IFT56: variants seen among roughly 807,000 people sequenced by gnomAD.
The protein encoded by IFT56 is intraflagellar transport protein 56.
the IFT56 span, chr7:139,137,987 T>G: frequency 3.7e-6 from 4 of 1,089,410 alleles, no homozygotes; most frequent in Non-Finnish European, 1.4e-6. Flanking sequence ...GTTTAAAATG[T>G]TATTAAACTT....
the IFT56 span, among the ~76,000 whole-genome samples, chr7:139,156,982 C>A: frequency 1.3e-5 from 2 of 152,230 alleles, no homozygotes; most frequent in African/African-American, 4.8e-5. Flanking sequence ...AATTCTAAAA[C>A]AAGCCTGCCA....
At chr7:139,178,092 A>G in the IFT56 span, 10 of 716,320 alleles carry the variant, frequency 1.4e-5, no homozygotes, top group Admixed American at 2.8e-5. Context: ...GTATAATGTC[A>G]GAATCTAGAA....
the IFT56 span, among the ~76,000 whole-genome samples, chr7:139,184,922 CGG>C: frequency 6.6e-6 from 1 of 151,402 alleles, no homozygotes; most frequent in South Asian, 2.1e-4. Context: ...GGCGTGGTGG[CGG>C]GCGCCTGTAG....
chr7:139,159,616 T>G, the IFT56 span, among the ~76,000 whole-genome samples: 1 of 152,186 alleles, frequency 6.6e-6, no homozygotes, highest in African/African-American at 2.4e-5. Flanking sequence ...GGTCTCAAAA[T>G]AGATCAAATG....
chr7:139,138,185 A>T, the IFT56 span, among the ~76,000 whole-genome samples: 977 of 152,224 alleles, frequency 6.4e-3, 8 homozygotes, highest in African/African-American at 0.022. Context: ...CTTGTCTATG[A>T]TTTTGCTTCC....
the IFT56 span, among the ~76,000 whole-genome samples, chr7:139,180,682 C>G: frequency 6.6e-6 from 1 of 151,474 alleles, no homozygotes; most frequent in African/African-American, 2.4e-5. Flanking sequence ...GCACTCCAGC[C>G]TGGGTGACAG....
chr7:139,157,139 C>CTTTTTTT, the IFT56 span, among the ~76,000 whole-genome samples: 56 of 82,138 alleles, frequency 6.8e-4, no homozygotes, highest in Non-Finnish European at 1.1e-3. Flanking sequence ...TCTTTAATTT[C>CTTTTTTT]TTTTTTTTTT....
the IFT56 span, chr7:139,161,307 T>C: frequency 8.9e-6 from 3 of 336,118 alleles, no homozygotes; most frequent in African/African-American, 6.4e-5. Context: ...TATCCCTCTG[T>C]GGTTTAAAAT....
At chr7:139,171,817 T>C in the IFT56 span, among the ~76,000 whole-genome samples, 1 of 152,318 alleles carries the variant, frequency 6.6e-6, no homozygotes, top group South Asian at 2.1e-4. Context: ...TTGTTTTTGT[T>C]TTCTTTCAAA....
At chr7:139,152,594 T>C in the IFT56 span, among the ~76,000 whole-genome samples, 2 of 152,208 alleles carry the variant, frequency 1.3e-5, no homozygotes, top group Admixed American at 1.3e-4. Flanking sequence ...AATTTGAACA[T>C]AAAGGATATG....
At chr7:139,156,187 A>T in the IFT56 span, among the ~76,000 whole-genome samples, 1 of 152,100 alleles carries the variant, frequency 6.6e-6, no homozygotes, top group Non-Finnish European at 1.5e-5. Context: ...TAAGGTCAGT[A>T]GTATTGCCTT....
the IFT56 span, chr7:139,146,987 A>G: frequency 1.4e-5 from 22 of 1,525,980 alleles, no homozygotes; most frequent in South Asian, 2.5e-4. Flanking sequence ...TTTGCAGGAG[A>G]AATGAAGTAG....
the IFT56 span, chr7:139,169,305 T>A: frequency 6.2e-7 from 1 of 1,613,950 alleles, no homozygotes; most frequent in African/African-American, 1.3e-5. Context: ...CATATGAAAA[T>A]TGCCCAGCAG....
the IFT56 span, among the ~76,000 whole-genome samples, chr7:139,175,918 C>T: frequency 2.0e-5 from 3 of 152,152 alleles, no homozygotes; most frequent in African/African-American, 7.2e-5. Flanking sequence ...CAACCTCCGC[C>T]TCCCGGGTTC....
chr7:139,190,088 T>A, the IFT56 span: 1 of 152,212 alleles, frequency 6.6e-6, no homozygotes, highest in African/African-American at 2.4e-5. Context: ...ATGAAAAAAA[T>A]TGTAGTACCT....
At chr7:139,161,075 C>T in the IFT56 span, 4 of 1,447,062 alleles carry the variant, frequency 2.8e-6, no homozygotes, top group Admixed American at 7.4e-5. Context: ...TGCTTTGGTA[C>T]ATCACAGCAA....
the IFT56 span, chr7:139,148,267 G>A: frequency 3.1e-6 from 5 of 1,613,806 alleles, no homozygotes; most frequent in Non-Finnish European, 4.2e-6. Flanking sequence ...TTACTATGAT[G>A]TGTCTCAAGA....
chr7:139,168,880 C>G, the IFT56 span, among the ~76,000 whole-genome samples: 8 of 152,154 alleles, frequency 5.3e-5, no homozygotes, highest in African/African-American at 1.9e-4. Flanking sequence ...ACAAATAAAT[C>G]TTTTTATCTC....
the IFT56 span, chr7:139,178,690 A>G: frequency 8.9e-7 from 1 of 1,125,712 alleles, no homozygotes; most frequent in South Asian, 1.3e-5. Context: ...AGGGTTAAGG[A>G]TTATTAAAGA....
Sources: allele counts gnomAD v4.1 joint callset (sites outside exome capture counted in the v4.1 genomes callset), GRCh38; gene constraint gnomAD v4.1.1; transcripts MANE v1.5; gene names NCBI Gene and HGNC (gene_info 2026-07-23, HGNC 2026-07-21).